The following ANK1 variants were observed in gnomAD, a reference collection of about 807,000 sequenced individuals.
ANK1 encodes the protein ankyrin-1.
A neutral mutation model predicts 210.4 loss-of-function variants in ANK1; 51 were observed. The ratio of observed to expected loss-of-function variants is 0.24; its 90% CI spans 0.19 to 0.31. The LOEUF (loss-of-function observed/expected upper bound fraction) is 0.31. ANK1 is among the 10% of genes least tolerant of loss of function. ANK1 has a pLI of 1.00. For synonymous variants in ANK1, 967 were observed against 1,025.9 expected, an observed-to-expected ratio of 0.94 and a Z score of 1.10; for missense variants, 2,051 against 2,504.4, an observed-to-expected ratio of 0.82 and a Z score of 3.86.
At chr8:41,689,039 G>A (rs1009036806) in intron 33 of ANK1, among the ~76,000 whole-genome samples, 2 of 152,258 alleles carry the variant, frequency 1.3e-5, no homozygotes, top group East Asian at 1.9e-4. Context: ...ACCCGTTTCT[G>A]TACTGCCTTA....
At chr8:41,896,006 C>A (rs1008270655) in intron 1 of ANK1, among the ~76,000 whole-genome samples, 1 of 152,182 alleles carries the variant, frequency 6.6e-6, no homozygotes, top group African/African-American at 2.4e-5. Context: ...GCCCACCACC[C>A]GCAGCCGGCA....
chr8:41,689,688 G>A (rs888053496), intron 33 of ANK1, among the ~76,000 whole-genome samples: 5 of 152,138 alleles, frequency 3.3e-5, no homozygotes, highest in African/African-American at 4.8e-5. Flanking sequence ...ATGAACATAC[G>A]TGGCCAAGAC....
At chr8:41,815,443 A>G (rs1414215123) in intron 1 of ANK1, among the ~76,000 whole-genome samples, 1 of 152,142 alleles carries the variant, frequency 6.6e-6, no homozygotes, top group Admixed American at 6.5e-5. Flanking sequence ...TAATAAATGT[A>G]TTCCATTTTA....
chr8:41,758,208 A>G, intron 1 of ANK1, 71 bp from the exon 2 acceptor site: 3 of 1,358,342 alleles, frequency 2.2e-6, no homozygotes, highest in Non-Finnish European at 3.1e-6. Context: ...TTCAAGTCCC[A>G]GGCCCCCGCA....
chr8:41,697,995 G>T, intron 24 of ANK1, 48 bp downstream of exon 24: 2 of 1,588,584 alleles, frequency 1.3e-6, no homozygotes, highest in Non-Finnish European at 1.7e-6. Context: ...CTGTCCCAGG[G>T]TTTTCATGCC....
intron 1 of ANK1, among the ~76,000 whole-genome samples, chr8:41,788,361 G>T (rs550230067): frequency 6.6e-6 from 1 of 152,096 alleles, no homozygotes; most frequent in Non-Finnish European, 1.5e-5. Flanking sequence ...TTGTGAAGTC[G>T]GAGTACTGAC....
chr8:41,787,162 G>C (rs1846585036), intron 1 of ANK1, among the ~76,000 whole-genome samples: 1 of 152,108 alleles, frequency 6.6e-6, no homozygotes, highest in Admixed American at 6.6e-5. Flanking sequence ...GCCTGGCCCA[G>C]AGGGGTGGGC....
chr8:41,665,236 A>G (rs1371776283), intron 39 of ANK1: 8 of 1,516,910 alleles, frequency 5.3e-6, no homozygotes, highest in African/African-American at 1.4e-5. Flanking sequence ...AGCCCGGCCC[A>G]AGTGCCCTTC....
chr8:41,805,369 G>A (rs2150779951), intron 1 of ANK1, among the ~76,000 whole-genome samples: 1 of 152,066 alleles, frequency 6.6e-6, no homozygotes, highest in Non-Finnish European at 1.5e-5. Context: ...CAGCCTCGAA[G>A]TAGCTGGGAC....
chr8:41,721,917 ATCTGGAT>A (rs1829380879), intron 9 of ANK1, among the ~76,000 whole-genome samples: 2 of 152,258 alleles, frequency 1.3e-5, no homozygotes, highest in Admixed American at 1.3e-4. Flanking sequence ...CATTCTAATG[ATCTGGAT>A]AATAAAACAA....
intron 35 of ANK1, among the ~76,000 whole-genome samples, chr8:41,687,719 G>T (rs888695104): frequency 3.3e-5 from 5 of 152,178 alleles, no homozygotes; most frequent in African/African-American, 1.2e-4. Context: ...GGTTACACAG[G>T]GAGAATCCAG....
intron 37 of ANK1, among the ~76,000 whole-genome samples, chr8:41,683,586 G>T (rs1043927439): frequency 6.6e-6 from 1 of 152,240 alleles, no homozygotes; most frequent in African/African-American, 2.4e-5. Flanking sequence ...CCAGGGTGAC[G>T]CGTCAGCCAC....
chr8:41,699,645 G>C (rs946241077), intron 22 of ANK1, 97 bp from the exon 23 acceptor site: 56 of 1,161,132 alleles, frequency 4.8e-5, no homozygotes, highest in Admixed American at 8.7e-5. Flanking sequence ...CTGGGGGCTT[G>C]CTCCTGAGGA....
chr8:41,745,770 G>A (rs1199376225), intron 2 of ANK1, among the ~76,000 whole-genome samples: 2 of 152,240 alleles, frequency 1.3e-5, no homozygotes, highest in East Asian at 3.9e-4. Context: ...TATTCACAGG[G>A]GAGATCACAG....
chr8:41,700,458 G>A (rs760594547), intron 22 of ANK1: 1 of 1,613,570 alleles, frequency 6.2e-7, no homozygotes, highest in East Asian at 2.2e-5. Context: ...GCAGTTCCTG[G>A]AAAGCAAAGG....
At chr8:41,774,038 A>G (rs1843504959) in intron 1 of ANK1, among the ~76,000 whole-genome samples, 1 of 103,906 alleles carries the variant, frequency 9.6e-6, no homozygotes, top group African/African-American at 2.7e-5. Context: ...AAGAAATAGA[A>G]CCAGAATTCC....
chr8:41,766,616 G>A (rs1038351262), intron 1 of ANK1, among the ~76,000 whole-genome samples: 6 of 152,218 alleles, frequency 3.9e-5, no homozygotes, highest in African/African-American at 1.4e-4. Context: ...GACCCTGGAG[G>A]CTGGGCAGGG....
intron 1 of ANK1, among the ~76,000 whole-genome samples, chr8:41,806,701 T>A (rs1464413614): frequency 6.6e-6 from 1 of 152,200 alleles, no homozygotes; most frequent in Non-Finnish European, 1.5e-5. Context: ...GCTATGATGG[T>A]GCCACTGCAC....
intron 2 of ANK1, among the ~76,000 whole-genome samples, chr8:41,748,191 G>T (rs1472216567): frequency 2.0e-5 from 3 of 152,184 alleles, no homozygotes; most frequent in African/African-American, 7.2e-5. Flanking sequence ...TCTCCCAGGT[G>T]AGGGCTCCAA....
Sources: gnomAD v4.1 joint callset for allele counts (sites outside exome capture counted in the v4.1 genomes callset) on GRCh38, gnomAD v4.1.1 for gene constraint, MANE v1.5 for transcripts, NCBI Gene and HGNC (gene_info 2026-07-23, HGNC 2026-07-21) for gene names.